GALNT17: variants seen among roughly 807,000 people sequenced by gnomAD.
The protein encoded by GALNT17 is polypeptide N-acetylgalactosaminyltransferase 17.
In GALNT17, 29 loss-of-function variants were observed where a neutral mutation model predicts 63.7. The observed-to-expected ratio is 0.46, with a 90% CI of 0.34 to 0.62. The LOEUF (loss-of-function observed/expected upper bound fraction) is 0.62, where lower values mean the gene tolerates loss of function less well. Among genes scored for constraint, GALNT17 ranks in the 20% least tolerant of loss-of-function variants. The pLI is 0.01. For missense variants in GALNT17, 603 were observed against 799.6 expected (o/e 0.75, Z 2.97); for synonymous variants, 305 against 318.3 (o/e 0.96, Z 0.45).
At chr7:71,457,785 C>G (rs569735135) in intron 5 of GALNT17, among the ~76,000 whole-genome samples, 1 of 152,266 alleles carries the variant, frequency 6.6e-6, no homozygotes, top group Admixed American at 6.5e-5. Flanking sequence ...TTTTTATGAC[C>G]TGTATCTTGT....
chr7:71,682,328 C>T (rs1004775654), intron 9 of GALNT17, among the ~76,000 whole-genome samples: 877 of 66,204 alleles, frequency 0.013, 2 homozygotes, highest in Non-Finnish European at 0.022. Context: ...TGTGGCCCCC[C>T]ACCCTCCCCA....
chr7:71,413,974 G>A (rs528908578), intron 3 of GALNT17, among the ~76,000 whole-genome samples: 36 of 152,196 alleles, frequency 2.4e-4, no homozygotes, highest in African/African-American at 8.4e-4. Context: ...AGGCACAGTG[G>A]CTCATGCCTG....
At position 71,162,923 on chromosome 7, in the gene GALNT17, T is replaced by C. The variant is rs563707910; in HGVS notation, c.238+29883T>C. On this transcript the variant is annotated intron_variant, in intron 1 of 10. Coordinates refer to ENST00000333538, the MANE Select transcript of GALNT17 (RefSeq NM_022479.3). ...GAGTGACATGCTCCAATTCAAGTGC[T>C]TTGTAAGGATGACTCTACTGCATGG... Among the ~76,000 whole-genome samples the C allele has an allele frequency of 4.6e-5, 7 of 152,274 alleles. No homozygotes were observed. The South Asian group carries it at 1.5e-3, about 32-fold the overall frequency.
chr7:71,544,437 C>A (rs963692613), intron 5 of GALNT17, among the ~76,000 whole-genome samples: 2 of 152,010 alleles, frequency 1.3e-5, no homozygotes, highest in Admixed American at 6.6e-5. Flanking sequence ...CCACCACACC[C>A]GGCCAAGGCA....
At chr7:71,668,477 T>G (rs1791018483) in intron 7 of GALNT17, among the ~76,000 whole-genome samples, 1 of 116,318 alleles carries the variant, frequency 8.6e-6, no homozygotes, top group Non-Finnish European at 1.6e-5. Context: ...GATCGCACCA[T>G]TGCACTCCAG....
At chr7:71,575,043 G>A (rs1343884887) in intron 6 of GALNT17, among the ~76,000 whole-genome samples, 1 of 152,116 alleles carries the variant, frequency 6.6e-6, no homozygotes, top group East Asian at 1.9e-4. Flanking sequence ...ATGTACGGGT[G>A]TCTCGACCAG....
intron 6 of GALNT17, among the ~76,000 whole-genome samples, chr7:71,659,472 C>T (rs1790874710): frequency 6.6e-6 from 1 of 152,198 alleles, no homozygotes; most frequent in Non-Finnish European, 1.5e-5. Context: ...ATGCCTTAGT[C>T]TTCAGCCATG....
chr7:71,237,235 C>T (rs969415802), intron 1 of GALNT17, among the ~76,000 whole-genome samples: 3 of 152,092 alleles, frequency 2.0e-5, no homozygotes, highest in Admixed American at 6.5e-5. Context: ...CCGGCAAGTT[C>T]GGGGGAGTAG....
chr7:71,166,263 G>A (rs1788439185), intron 1 of GALNT17, among the ~76,000 whole-genome samples: 1 of 152,184 alleles, frequency 6.6e-6, no homozygotes. Context: ...ATAACATGGA[G>A]AAAATGCCTA....
At chr7:71,636,061 G>T (rs1336934364) in intron 6 of GALNT17, among the ~76,000 whole-genome samples, 2 of 152,168 alleles carry the variant, frequency 1.3e-5, no homozygotes, top group African/African-American at 4.8e-5. Flanking sequence ...ATTTTACCCA[G>T]CCCCTATTCA....
rs536050060 is a variant in GALNT17, at chr7:71,296,351, C to G, written c.239-39199C>G. Among the ~76,000 whole-genome samples the G allele has an allele frequency of 1.9e-3, 288 of 152,248 alleles. 2 individuals carry two copies. Among genetic ancestry groups the G allele is most frequent in the East Asian group, 9.7e-4 (5 of 5,174 alleles). On this transcript the variant is annotated intron_variant, in intron 1 of 10. Transcript: ENST00000333538. ...TATTATTGGCCTTTGCAGTGACTCA[C>G]GCCTGTAATCCCAGCACTTTGGGAG...
intron 1 of GALNT17, chr7:71,307,754 G>A (rs1791332737): frequency 6.6e-6 from 1 of 152,218 alleles, no homozygotes; most frequent in Non-Finnish European, 1.5e-5. Flanking sequence ...AAAATGAGAA[G>A]TTAAATCTGA....
chr7:71,693,295 C>CATATATATAT (rs1791486966), intron 9 of GALNT17, among the ~76,000 whole-genome samples: 1 of 120,806 alleles, frequency 8.3e-6, no homozygotes, highest in African/African-American at 3.3e-5. Flanking sequence ...CACACACACA[C>CATATATATAT]ACACACACAC....
chr7:71,592,534 A>C (rs1026046782), intron 6 of GALNT17, among the ~76,000 whole-genome samples: 17 of 28,356 alleles, frequency 6.0e-4, no homozygotes, highest in South Asian at 4.0e-3. Flanking sequence ...AATAAAATAA[A>C]ATAAAATAAA....
intron 2 of GALNT17, among the ~76,000 whole-genome samples, chr7:71,350,549 TA>T (rs897610891): frequency 2.6e-5 from 4 of 151,788 alleles, no homozygotes; most frequent in African/African-American, 4.8e-5. Context: ...AAAATACAAA[TA>T]AAAAAACACT....
rs115244782 is a variant in GALNT17 at position 71,671,763 on chromosome 7, C to T, written c.1404+1654C>T. 1.5e-3 allele frequency among the ~76,000 whole-genome samples: 222 copies of T among 152,280 alleles called. 1 individual carries two copies. The highest frequency in any genetic ancestry group is 5.1e-3 in the African/African-American group (212 of 41,550). On this transcript the variant is annotated intron_variant, in intron 8 of 10. Transcript: ENST00000333538. ...TGGCATGGCCAAGCACCGTGGCTCA[C>T]GCCTGTAATCCCAGCACTTTGGGAG...
intron 6 of GALNT17, among the ~76,000 whole-genome samples, chr7:71,657,935 T>A (rs1409737087): frequency 6.6e-6 from 1 of 151,534 alleles, no homozygotes; most frequent in Non-Finnish European, 1.5e-5. Context: ...GACAGGGTCT[T>A]GCTCTGTCAT....
At chr7:71,545,485 G>A (rs1033832076) in intron 5 of GALNT17, among the ~76,000 whole-genome samples, 1 of 152,118 alleles carries the variant, frequency 6.6e-6, no homozygotes, top group Non-Finnish European at 1.5e-5. Context: ...CTGAGTAGCT[G>A]GGATTACAGG....
chr7:71,448,133 T>G (rs1009371081), intron 5 of GALNT17, among the ~76,000 whole-genome samples: 2 of 152,216 alleles, frequency 1.3e-5, no homozygotes, highest in Non-Finnish European at 2.9e-5. Context: ...TTCCATTGTC[T>G]TCTTACTTCC....
Sources: gnomAD v4.1 joint callset for allele counts (sites outside exome capture counted in the v4.1 genomes callset) on GRCh38, gnomAD v4.1.1 for gene constraint, MANE v1.5 for transcripts, NCBI Gene and HGNC (gene_info 2026-07-23, HGNC 2026-07-21) for gene names.